The following CNTN4 variants were observed in gnomAD, a reference collection of about 807,000 sequenced individuals.
CNTN4 encodes the protein contactin 4.
In CNTN4, 77 loss-of-function variants were observed where a neutral mutation model predicts 122.5. That is an observed-to-expected ratio of 0.63 (90% CI 0.52 to 0.76). CNTN4 has a LOEUF of 0.76. Ranked by LOEUF, CNTN4 falls within the 30% of genes least tolerant of loss-of-function variation. The probability of loss-of-function intolerance (pLI) is 0.00; values close to 1 mark genes in which losing one functional copy is unlikely to be tolerated. For synonymous variants in CNTN4, 512 were observed against 447.0 expected, an observed-to-expected ratio of 1.15 and a Z score of -1.83; for missense variants, 1,256 against 1,259.1, an observed-to-expected ratio of 1.00 and a Z score of 0.04.
At chr3:2,290,184 A>T (rs770669113) in intron 2 of CNTN4, among the ~76,000 whole-genome samples, 1 of 152,188 alleles carries the variant, frequency 6.6e-6, no homozygotes, top group Non-Finnish European at 1.5e-5. Flanking sequence ...CAGAGCATTG[A>T]TCCCAGAAAC....
At chr3:2,387,048 C>T (rs61054534) in intron 3 of CNTN4, among the ~76,000 whole-genome samples, 4 of 152,106 alleles carry the variant, frequency 2.6e-5, no homozygotes, top group East Asian at 3.9e-4. Context: ...AACCATAAGT[C>T]GTGTGACTTC....
chr3:2,678,598 G>A (rs1027612297), intron 4 of CNTN4, among the ~76,000 whole-genome samples: 2 of 152,174 alleles, frequency 1.3e-5, no homozygotes, highest in Admixed American at 6.5e-5. Context: ...AAGTGACCCT[G>A]TTTGCAGATT....
chr3:2,313,304 T>A (rs929209655), intron 2 of CNTN4, among the ~76,000 whole-genome samples: 20 of 151,778 alleles, frequency 1.3e-4, no homozygotes, highest in African/African-American at 4.8e-4. Context: ...TTAAGGAAAA[T>A]GGATAATATT....
intron 2 of CNTN4, among the ~76,000 whole-genome samples, chr3:2,334,898 A>G (rs1443835946): frequency 1.3e-5 from 2 of 152,156 alleles, no homozygotes; most frequent in Non-Finnish European, 2.9e-5. Context: ...TTTGTTCTTA[A>G]TAAATAACCG....
At chr3:2,760,489 T>A (rs2090540091) in intron 6 of CNTN4, among the ~76,000 whole-genome samples, 1 of 152,306 alleles carries the variant, frequency 6.6e-6, no homozygotes, top group Non-Finnish European at 1.5e-5. Flanking sequence ...GAAAATCAGT[T>A]GACCTCAAAT....
At chr3:2,516,460 G>T (rs948049493) in intron 3 of CNTN4, among the ~76,000 whole-genome samples, 3 of 151,856 alleles carry the variant, frequency 2.0e-5, no homozygotes, top group African/African-American at 4.8e-5. Flanking sequence ...CATTGCTTTT[G>T]GTTTTAATCT....
chr3:2,984,747 T>C (rs1365763521), intron 13 of CNTN4, among the ~76,000 whole-genome samples: 1 of 152,214 alleles, frequency 6.6e-6, no homozygotes, highest in East Asian at 1.9e-4. Context: ...TAATAGGTGT[T>C]TTTGCTTTTA....
At chr3:2,775,472 TGCAGTG>T (rs2091278679) in intron 6 of CNTN4, among the ~76,000 whole-genome samples, 1 of 152,284 alleles carries the variant, frequency 6.6e-6, no homozygotes, top group Non-Finnish European at 1.5e-5. Context: ...CACTCTGGAG[TGCAGTG>T]GCACGATCTC....
chr3:2,520,976 C>T (rs541129378), intron 3 of CNTN4, among the ~76,000 whole-genome samples: 15 of 152,030 alleles, frequency 9.9e-5, no homozygotes, highest in Non-Finnish European at 1.9e-4. Context: ...AAAATTACTA[C>T]CCTTACGAAA....
chr3:3,048,504 C>CTCTCTCTCTT (rs1334684759), intron 23 of CNTN4, among the ~76,000 whole-genome samples: 25 of 48,484 alleles, frequency 5.2e-4, no homozygotes, highest in Non-Finnish European at 4.4e-4. Context: ...CTCTCTCTTT[C>CTCTCTCTCTT]TCTCTCTCTC....
At chr3:2,844,063 C>T (rs1344724492) in intron 7 of CNTN4, among the ~76,000 whole-genome samples, 1 of 152,306 alleles carries the variant, frequency 6.6e-6, no homozygotes, top group South Asian at 2.1e-4. Flanking sequence ...TTCTCAAAGA[C>T]ATGAAACACG....
At chr3:2,721,961 A>T (rs1272324155) in intron 4 of CNTN4, among the ~76,000 whole-genome samples, 2 of 152,148 alleles carry the variant, frequency 1.3e-5, no homozygotes, top group African/African-American at 4.8e-5. Flanking sequence ...CTATGTGAGG[A>T]CACAGCAAAT....
intron 4 of CNTN4, among the ~76,000 whole-genome samples, chr3:2,702,679 G>A (rs752710878): frequency 1.1e-4 from 17 of 152,222 alleles, no homozygotes; most frequent in Non-Finnish European, 2.1e-4. Flanking sequence ...AAGAAAAAGT[G>A]TTCCTGAGAA....
intron 4 of CNTN4, among the ~76,000 whole-genome samples, chr3:2,706,229 G>T (rs2086728030): frequency 6.6e-6 from 1 of 151,766 alleles, no homozygotes; most frequent in Non-Finnish European, 1.5e-5. Context: ...CATCACAATA[G>T]AATGTATTTT....
In CNTN4 at chr3:3,038,424, T is replaced by C. The variant is rs184264098; in HGVS notation, c.2093-509T>C. Among the ~76,000 whole-genome samples, 20 of 152,296 alleles carry C rather than the reference T, an allele frequency of 1.3e-4. No individual in the cohort carries two copies. In the East Asian group the frequency reaches 3.7e-3, roughly 28 times the overall value. On this transcript the variant is annotated intron_variant, in intron 18 of 24. Transcript: ENST00000418658. ...AGAAGCCATTCGCCCACCCCAGCTC[T>C]GAGCAGGGCGCTACTCCGGAACGCC...
chr3:2,869,259 T>C lies in CNTN4; in HGVS notation c.652+2310T>C, dbSNP rs137872192. On this transcript the variant is annotated intron_variant, in intron 8 of 24. Transcript: ENST00000418658. ...TGGAAAACGGACTTTCAGAAAACAA[T>C]AGTGAAAACTGGAAATCCAATCAGA... Among the ~76,000 whole-genome samples, 284 of 152,116 alleles carry C rather than the reference T, an allele frequency of 1.9e-3. 3 individuals are homozygous for C. The highest frequency in any genetic ancestry group is 6.5e-3 in the African/African-American group (271 of 41,472).
chr3:2,348,533 G>A (rs1343736100), intron 3 of CNTN4, among the ~76,000 whole-genome samples: 1 of 152,156 alleles, frequency 6.6e-6, no homozygotes. Flanking sequence ...TTATTGCAGA[G>A]TCTTCAGTTC....
In CNTN4 at chr3:2,844,300, A is replaced by G. The variant is rs187982440; in HGVS notation, c.455-22452A>G. 3.0e-4 allele frequency among the ~76,000 whole-genome samples: 46 copies of G among 152,290 alleles called. 1 individual carries two copies. The highest frequency in any genetic ancestry group is 1.1e-3 in the African/African-American group (46 of 41,570). ...CATAATACTCCTTTTTGAGAATTAT[A>G]TTTATTGCAGATTTGCAGAATTTCA... On this transcript the variant is annotated intron_variant, in intron 7 of 24. Transcript: ENST00000418658.
intron 3 of CNTN4, among the ~76,000 whole-genome samples, chr3:2,434,265 A>G (rs1326691105): frequency 6.6e-6 from 1 of 152,200 alleles, no homozygotes; most frequent in Non-Finnish European, 1.5e-5. Context: ...TACCCCACAA[A>G]CATGTATAAT....
Sources: gnomAD v4.1 joint callset for allele counts (sites outside exome capture counted in the v4.1 genomes callset) on GRCh38, gnomAD v4.1.1 for gene constraint, MANE v1.5 for transcripts, NCBI Gene and HGNC (gene_info 2026-07-23, HGNC 2026-07-21) for gene names.